The following IQGAP3 variants were observed in gnomAD, a reference collection of about 807,000 sequenced individuals.
IQGAP3 encodes the protein IQ motif containing GTPase activating protein 3, also known as ras GTPase-activating-like protein IQGAP3.
Under a neutral mutation model 208.2 loss-of-function variants are expected in IQGAP3, and 165 were observed. The observed-to-expected ratio is 0.79, with a 90% CI of 0.70 to 0.90. The LOEUF (loss-of-function observed/expected upper bound fraction) is 0.90, where lower values mean the gene tolerates loss of function less well. Ranked by LOEUF, IQGAP3 falls within the 40% of genes least tolerant of loss-of-function variation. The pLI is 0.00. For missense variants in IQGAP3, 1,811 were observed against 2,043.1 expected, an observed-to-expected ratio of 0.89 and a Z score of 2.19; for synonymous variants, 703 against 803.6, an observed-to-expected ratio of 0.87 and a Z score of 2.12.
At chr1:156,563,425 C>A (rs1676254935) in intron 7 of IQGAP3, 113 bp from the exon 8 acceptor site, 1 of 1,357,586 alleles carries the variant, frequency 7.4e-7, no homozygotes, top group Non-Finnish European at 1.0e-6. Context: ...AAGGGCCAGA[C>A]AAACCAGGTA....
chr1:156,534,709 G>T lies in IQGAP3; in HGVS notation c.3532C>A (p.Arg1178Ser), dbSNP rs747037548. 17 of 1,596,542 alleles carry T rather than the reference G, an allele frequency of 1.1e-5. No homozygotes were observed. The highest frequency in any genetic ancestry group is 1.3e-5 in the Non-Finnish European group (15 of 1,172,838). The change falls in exon 29 of 38, where the codon CGC (arginine) becomes AGC (serine). Residue 1178 changes from arginine to serine, a missense_variant. Physicochemically the swap from Arg to Ser is moderately radical, Grantham distance 110. Transcript: ENST00000361170. ...YKVVGNLLYY[R>S]FLNPAVVAPD... Reference sequence around the variant, plus strand: ...GCCACCACAGCTGGGTTCAGGAAGCGGTAGTACAGGAGGTTCCCGACCACC... The same window carrying T: ...GCCACCACAGCTGGGTTCAGGAAGCTGTAGTACAGGAGGTTCCCGACCACC...
At chr1:156,551,604 T>C in intron 15 of IQGAP3, 101 bp downstream of exon 15, 1 of 1,228,138 alleles carries the variant, frequency 8.1e-7, no homozygotes, top group Non-Finnish European at 1.1e-6. Flanking sequence ...CCAGAAGCCA[T>C]TGTGTCCATC....
chr1:156,537,257 C>T lies in IQGAP3; in HGVS notation c.3346G>A (p.Asp1116Asn). 1 of 1,614,032 alleles carries T rather than the reference C, an allele frequency of 6.2e-7. No individual in the cohort carries two copies. Among genetic ancestry groups the T allele is most frequent in the African/African-American group, 1.3e-5 (1 of 75,022 alleles). The change falls in exon 27 of 38, where the codon GAC becomes AAC. Residue 1116 changes from aspartate to asparagine, a missense_variant. By Grantham distance (23) the Asp-to-Asn change is conservative. Transcript: ENST00000361170. ...LSHPEVQRRL[D>N]IALRNLLAMT... Reference sequence around the variant, plus strand: ...GCGAGGAGGTTGCGTAGGGCGATGTCCAGTCGTCTCTGGACCTCGGGGTGG... The same window carrying T: ...GCGAGGAGGTTGCGTAGGGCGATGTTCAGTCGTCTCTGGACCTCGGGGTGG...
At chr1:156,554,047 G>C (rs888722237) in intron 13 of IQGAP3, among the ~76,000 whole-genome samples, 188 bp downstream of exon 13, 1 of 152,264 alleles carries the variant, frequency 6.6e-6, no homozygotes, top group African/African-American at 2.4e-5. Context: ...GAAGAAAAAA[G>C]GAATGACTGT....
chr1:156,531,145 A>C lies in IQGAP3; in HGVS notation c.4191+15T>G. ...ATGAATGAGACAGAACCTGTGGGCC[A>C]GCCCGGCTACTCACTTGCTCTCTGG... On this transcript the variant is annotated intron_variant, in intron 33 of 37. Coordinates refer to ENST00000361170, the MANE Select transcript of IQGAP3 (RefSeq NM_178229.5). 6.3e-7 allele frequency: 1 copy of C among 1,591,480 alleles called. No homozygotes were observed. Among genetic ancestry groups the C allele is most frequent in the Non-Finnish European group, 8.6e-7 (1 of 1,159,448 alleles).
Position 156,552,013 on chromosome 1 carries a change from C to A in IQGAP3, c.1531G>T (p.Val511Leu). Reference protein sequence around the residue: ...FLSWNDLQATVSQVNAQTQEE... With the variant: ...FLSWNDLQATLSQVNAQTQEE... ...TGGGTCTGTGCATTGACCTGGCTCA[C>A]GGTGGCCTGCAGGTCATTCCAGCTC... is the stretch of plus-strand genomic sequence containing the variant. Residue 511 changes from valine (V) to leucine (L), a missense_variant, in exon 14 of 38, where the codon GTG becomes TTG. Physicochemically the swap from Val to Leu is conservative, Grantham distance 32. Coordinates refer to ENST00000361170, the MANE Select transcript of IQGAP3 (RefSeq NM_178229.5). 2 of 1,614,162 alleles carry A rather than the reference C, an allele frequency of 1.2e-6. No individual in the cohort carries two copies. Among genetic ancestry groups the A allele is most frequent in the Non-Finnish European group, 1.7e-6 (2 of 1,180,020 alleles).
Position 156,540,760 on chromosome 1 carries a change from T to A in IQGAP3, c.2687A>T (p.Asn896Ile). The A allele has an allele frequency of 2.5e-6, 4 of 1,614,182 alleles. No homozygotes were observed. The highest frequency in any genetic ancestry group is 1.3e-5 in the African/African-American group (1 of 75,060). The change falls in exon 23 of 38, where the codon AAC (asparagine) becomes ATC (isoleucine). Residue 896 changes from asparagine to isoleucine, a missense_variant. By Grantham distance (149) the Asn-to-Ile change is moderately radical. Coordinates refer to ENST00000361170, the MANE Select transcript of IQGAP3 (RefSeq NM_178229.5). ...RSNQQLEQDL[N>I]IMDIKIGLLV... ...CAGGCCAATCTTGATGTCCATGATG[T>A]TGAGGTCCTGCTCCAGCTGCTGATT...
chr1:156,564,200 A>C (rs1189503897), intron 5 of IQGAP3, among the ~76,000 whole-genome samples: 1 of 152,146 alleles, frequency 6.6e-6, no homozygotes, highest in African/African-American at 2.4e-5. Flanking sequence ...CATGGTAAAC[A>C]CAAGGAACCG....
At chr1:156,568,637 C>A (rs1676508509) in intron 2 of IQGAP3, among the ~76,000 whole-genome samples, 1 of 152,208 alleles carries the variant, frequency 6.6e-6, no homozygotes. Context: ...ATCCTCCTTC[C>A]TCAGCCCCCC....
chr1:156,530,700 T>A (rs1674352254), intron 33 of IQGAP3, among the ~76,000 whole-genome samples: 2 of 152,144 alleles, frequency 1.3e-5, no homozygotes, highest in African/African-American at 2.4e-5. Context: ...GTCTGTTCTG[T>A]TTTGGGACAT....
chr1:156,542,221 G>C (rs947218085), intron 22 of IQGAP3, among the ~76,000 whole-genome samples: 1 of 152,100 alleles, frequency 6.6e-6, no homozygotes, highest in South Asian at 2.1e-4. Flanking sequence ...ACAGAGTCTC[G>C]CTCTGTTGTC....
At chr1:156,560,395 C>T (rs982567172) in intron 11 of IQGAP3, among the ~76,000 whole-genome samples, 1 of 152,098 alleles carries the variant, frequency 6.6e-6, no homozygotes, top group African/African-American at 2.4e-5. Context: ...CCTGTCAACC[C>T]AGCTACTCGG....
intron 19 of IQGAP3, among the ~76,000 whole-genome samples, chr1:156,547,801 C>T (rs749650372): frequency 1.3e-5 from 2 of 152,172 alleles, no homozygotes; most frequent in Non-Finnish European, 2.9e-5. Flanking sequence ...AAGGTAGGTG[C>T]TATCGTTATC....
intron 11 of IQGAP3, among the ~76,000 whole-genome samples, chr1:156,560,510 C>CAAACAA (rs1193714048): frequency 6.6e-6 from 1 of 152,050 alleles, no homozygotes; most frequent in African/African-American, 2.4e-5. Context: ...GCCTCTGTCT[C>CAAACAA]AAACAAAAAC....
At chr1:156,530,458 G>A (rs1391816918) in intron 33 of IQGAP3, 141 bp from the exon 34 acceptor site, 2 of 663,960 alleles carry the variant, frequency 3.0e-6, no homozygotes, top group Non-Finnish European at 5.2e-6. Flanking sequence ...CCAGAGCCCA[G>A]CCTCTGCAGG....
chr1:156,562,767 C>T, intron 8 of IQGAP3, 102 bp from the exon 9 acceptor site: 1 of 1,048,664 alleles, frequency 9.5e-7, no homozygotes, highest in Non-Finnish European at 1.5e-6. Context: ...TGGGGACCTT[C>T]CCAAGGCCAA....
rs74116867 is a variant in IQGAP3 at position 156,529,182 on chromosome 1, G to C, written c.4405-100C>G. 6.8e-4 allele frequency: 860 copies of C among 1,256,952 alleles called. 3 individuals are homozygous for C. The African/African-American group carries it at 0.011, about 16-fold the overall frequency. The allele number at this position is 1,256,952 out of a possible 1,614,324, so 77.9% of individuals were successfully genotyped here. ...AGAGCTACACACTGTGAGGCTCTTC[G>C]GAAGAACAGGCTTCAAGGCTGTTTT... On this transcript the variant is annotated intron_variant, in intron 34 of 37. Transcript: ENST00000361170.
chr1:156,548,775 T>C (rs756338022), intron 16 of IQGAP3, 27 bp from the exon 17 acceptor site: 52 of 1,525,940 alleles, frequency 3.4e-5, no homozygotes, highest in Non-Finnish European at 4.6e-5. Context: ...GAGAGAGCAG[T>C]CAATCCTTCC....
At position 156,540,750 on chromosome 1, in the gene IQGAP3, G is replaced by A. The variant is rs549312350; in HGVS notation, c.2697C>T (p.Asp899=). The change falls in exon 23 of 38, where the codon GAC becomes GAT. Residue 899 remains aspartate, a synonymous_variant. Coordinates refer to ENST00000361170, the MANE Select transcript of IQGAP3 (RefSeq NM_178229.5). ...QQLEQDLNIM[D]IKIGLLVKNR... Reference sequence around the variant, plus strand: ...TCTTCACCAGCAGGCCAATCTTGATGTCCATGATGTTGAGGTCCTGCTCCA... The same window carrying A: ...TCTTCACCAGCAGGCCAATCTTGATATCCATGATGTTGAGGTCCTGCTCCA... 1.2e-6 allele frequency: 2 copies of A among 1,614,174 alleles called. No homozygotes were observed. The highest frequency in any genetic ancestry group is 2.2e-5 in the South Asian group (2 of 91,074).
Sources: allele counts gnomAD v4.1 joint callset (sites outside exome capture counted in the v4.1 genomes callset), GRCh38; gene constraint gnomAD v4.1.1; transcripts MANE v1.5; gene names NCBI Gene and HGNC (gene_info 2026-07-23, HGNC 2026-07-21).